The following KIAA0319 variants were observed in gnomAD, a reference collection of about 807,000 sequenced individuals.
KIAA0319 encodes the protein KIAA0319.
In KIAA0319, 83 loss-of-function variants were observed where a neutral mutation model predicts 108.4. That is an observed-to-expected ratio of 0.77 (90% CI 0.64 to 0.92). The LOEUF is 0.92. Ranked by LOEUF, KIAA0319 falls within the 40% of genes least tolerant of loss-of-function variation. The pLI is 0.00. For synonymous variants in KIAA0319, 484 were observed against 510.4 expected (o/e 0.95, Z 0.70); for missense variants, 1,195 against 1,322.4 (o/e 0.90, Z 1.49).
At chr6:24,549,326 C>CAAAAAAAA (rs35975247) in intron 20 of KIAA0319, among the ~76,000 whole-genome samples, 1 of 115,614 alleles carries the variant, frequency 8.6e-6, no homozygotes, top group African/African-American at 3.2e-5. Flanking sequence ...ACTCTGTCTC[C>CAAAAAAAA]AAAAAAAAAA....
In KIAA0319 at chr6:24,596,448, G is replaced by A. The variant is rs139103468; in HGVS notation, c.226C>T (p.Arg76Cys). ...TGGGGGCAGCTCACCAGGTAGCAGC[G>A]GCCCTCGAACCACCAGGCCAGGTCA... ...SCDLAWWFEG[R>C]CYLVSCPHKE... Residue 76 changes from arginine to cysteine, a missense_variant, in exon 3 of 21, where the codon CGC (arginine) becomes TGC (cysteine). Coordinates refer to ENST00000378214, the MANE Select transcript of KIAA0319 (RefSeq NM_014809.4). 1.1e-4 allele frequency: 171 copies of A among 1,614,040 alleles called. No individual in the cohort carries two copies. Among genetic ancestry groups the A allele is most frequent in the Middle Eastern group, 6.6e-4 (4 of 6,084 alleles).
chr6:24,582,215 T>C (rs1454042026), intron 6 of KIAA0319, 34 bp downstream of exon 6: 1 of 1,170,418 alleles, frequency 8.5e-7, no homozygotes, highest in Non-Finnish European at 1.3e-6. Context: ...CGTTACGCTG[T>C]GCTGTTAGAC....
chr6:24,598,422 G>T, intron 2 of KIAA0319: 1 of 589,712 alleles, frequency 1.7e-6, no homozygotes, highest in South Asian at 1.4e-5. Flanking sequence ...AGCAGCAGAA[G>T]ACAGTTTGGA....
At chr6:24,643,750 A>C (rs1777264357) in intron 1 of KIAA0319, among the ~76,000 whole-genome samples, 1 of 152,230 alleles carries the variant, frequency 6.6e-6, no homozygotes, top group African/African-American at 2.4e-5. Context: ...CACTTATTGA[A>C]GCGTTACTAT....
chr6:24,627,439 C>A (rs900270369), intron 1 of KIAA0319, among the ~76,000 whole-genome samples: 7 of 147,628 alleles, frequency 4.7e-5, no homozygotes, highest in Non-Finnish European at 8.9e-5. Context: ...TCTTAGTGAG[C>A]ATTTTCCCTC....
chr6:24,619,114 A>C (rs1001059209), intron 1 of KIAA0319, among the ~76,000 whole-genome samples: 6 of 152,212 alleles, frequency 3.9e-5, no homozygotes, highest in Admixed American at 6.5e-5. Flanking sequence ...GAAAAGGGAA[A>C]GCACTAGAAG....
At position 24,588,729 on chromosome 6, in the gene KIAA0319, G is replaced by A. The variant is rs769225729; in HGVS notation, c.858C>T (p.Thr286=). ...CTGTGAGCACTGGGCTTTTCTCCAC[G>A]GTGACTGAGCTGAGCTCCAGGCTTG... The part of the protein sequence containing the change: ...PPASLELSSV[T]VEKSPVLTVT... The change falls in exon 4 of 21, where the codon ACC becomes ACT. Residue 286 remains threonine, a synonymous_variant. Transcript: ENST00000378214. 5.6e-6 allele frequency: 9 copies of A among 1,613,836 alleles called. No individual in the cohort carries two copies. Among genetic ancestry groups the A allele is most frequent in the South Asian group, 3.3e-5 (3 of 91,050 alleles).
At position 24,572,625 on chromosome 6, in the gene KIAA0319, T is replaced by C; in HGVS notation, c.1808A>G (p.Asp603Gly). ...GDYTFQLKVT[D>G]SSRQQSTAVV... The stretch of plus-strand genomic sequence containing the variant: ...AGCAGTAGACTGTTGCCTTGAAGAA[T>C]CTGTCACCTTCAGCTGAAATGTATA... The change falls in exon 11 of 21, where the codon GAT (aspartate) becomes GGT (glycine). Residue 603 changes from aspartate to glycine, a missense_variant. Physicochemically the swap from Asp to Gly is moderately conservative, Grantham distance 94 (BLOSUM62 -1). Coordinates refer to ENST00000378214, the MANE Select transcript of KIAA0319 (RefSeq NM_014809.4). 6.2e-7 allele frequency: 1 copy of C among 1,614,126 alleles called. No individual in the cohort carries two copies. The highest frequency in any genetic ancestry group is 8.5e-7 in the Non-Finnish European group (1 of 1,180,008).
chr6:24,578,234 C>A lies in KIAA0319; in HGVS notation c.1381G>T (p.Asp461Tyr). The change falls in exon 9 of 21, where the codon GAT (aspartate) becomes TAT (tyrosine). Residue 461 changes from aspartate to tyrosine, a missense_variant. Physicochemically the swap from Asp to Tyr is radical, Grantham distance 160. Coordinates refer to ENST00000378214, the MANE Select transcript of KIAA0319 (RefSeq NM_014809.4). Reference sequence around the variant, plus strand: ...TGATAACTCACTATTTCAGTATCATCTGTACTTTCTACAAGATTAAGAAAT... The same window carrying A: ...TGATAACTCACTATTTCAGTATCATATGTACTTTCTACAAGATTAAGAAAT... ...SALIDGSQST[D>Y]DTEIVSYHWE... The A allele has an allele frequency of 6.3e-7, 1 of 1,594,630 alleles. No individual in the cohort carries two copies. The highest frequency in any genetic ancestry group is 8.6e-7 in the Non-Finnish European group (1 of 1,165,150).
intron 4 of KIAA0319, among the ~76,000 whole-genome samples, chr6:24,588,004 C>T (rs560566751): frequency 6.4e-4 from 98 of 152,366 alleles, no homozygotes; most frequent in African/African-American, 2.3e-3. Flanking sequence ...CATGATCTTT[C>T]CAGTTCTTGT....
chr6:24,558,384 GA>G (rs1762614663), intron 17 of KIAA0319, among the ~76,000 whole-genome samples: 1 of 152,020 alleles, frequency 6.6e-6, no homozygotes, highest in African/African-American at 2.4e-5. Flanking sequence ...TAGATAGATA[GA>G]TAGATAGATA....
intron 7 of KIAA0319, among the ~76,000 whole-genome samples, chr6:24,580,651 G>A (rs1388572238): frequency 2.0e-5 from 3 of 152,180 alleles, no homozygotes; most frequent in South Asian, 4.1e-4. Context: ...AAGTTAGAGT[G>A]GATGGTGTAA....
In KIAA0319 at chr6:24,564,224, A is replaced by G. The variant is rs776436431; in HGVS notation, c.2409T>C (p.Thr803=). The part of the protein sequence containing the change: ...TDSQGASDTD[T]ATVEVQPDPR... ...CACCTGGCTGCACTTCCACAGTGGC[A>G]GTGTCTGTGTCCGAGGCCCCCTGAC... Residue 803 remains threonine, a synonymous_variant, in exon 15 of 21, where the codon ACT becomes ACC. Transcript: ENST00000378214. The G allele has an allele frequency of 6.2e-7, 1 of 1,614,142 alleles. No homozygotes were observed. The highest frequency in any genetic ancestry group is 8.5e-7 in the Non-Finnish European group (1 of 1,180,022).
chr6:24,598,264 C>G, intron 2 of KIAA0319: 1 of 624,484 alleles, frequency 1.6e-6, no homozygotes, highest in Non-Finnish European at 2.9e-6. Flanking sequence ...CCCCCTTAAG[C>G]TGGAGGTGGA....
chr6:24,572,572 T>C lies in KIAA0319; in HGVS notation c.1858+3A>G, dbSNP rs757658258. ...AGGCCAAATCTCTTTCTCCTCCACCTACCAGGCTGGACAATCACAGTCACC... is the reference window on the plus strand; with the variant it reads ...AGGCCAAATCTCTTTCTCCTCCACCCACCAGGCTGGACAATCACAGTCACC... On this transcript the variant is annotated splice_donor_region_variant and intron_variant, in intron 11 of 20. Coordinates refer to ENST00000378214, the MANE Select transcript of KIAA0319 (RefSeq NM_014809.4). 2.5e-6 allele frequency: 4 copies of C among 1,610,668 alleles called. No individual in the cohort carries two copies. Among genetic ancestry groups the C allele is most frequent in the Non-Finnish European group, 3.4e-6 (4 of 1,179,146 alleles).
At chr6:24,614,441 G>C (rs545331999) in intron 1 of KIAA0319, among the ~76,000 whole-genome samples, 1 of 152,278 alleles carries the variant, frequency 6.6e-6, no homozygotes, top group Admixed American at 6.5e-5. Flanking sequence ...CCCAAGGCTA[G>C]ATTATCACCA....
At chr6:24,553,292 TATACACACACACACACACACACACAC>T (rs1373772001) in intron 19 of KIAA0319, among the ~76,000 whole-genome samples, 2 of 95,016 alleles carry the variant, frequency 2.1e-5, no homozygotes, top group African/African-American at 4.8e-5. Flanking sequence ...TATATATATA[TATACACACACACACACACACACACAC>T]ACACACACAC....
In KIAA0319 at chr6:24,599,463, C is replaced by G. The variant is rs555314967; in HGVS notation, c.55+1586G>C. ...GGCCATGCAGGACATGGCATGGCAGCTGCATGAGTACCAGGAGCTGATGAT... is the reference window on the plus strand; with the variant it reads ...GGCCATGCAGGACATGGCATGGCAGGTGCATGAGTACCAGGAGCTGATGAT... On this transcript the variant is annotated intron_variant, in intron 2 of 20. Coordinates refer to ENST00000378214, the MANE Select transcript of KIAA0319 (RefSeq NM_014809.4). This position sits in a 1 kb window ranked among gnomAD's most constrained non-coding sequence, Gnocchi z 4.1. 1 of 554,414 alleles carries G rather than the reference C, an allele frequency of 1.8e-6. No homozygotes were observed. The highest frequency in any genetic ancestry group is 2.0e-5 in the Admixed American group (1 of 49,016). 34.3% of individuals were successfully genotyped at this position (554,414 alleles called of 1,614,324 possible).
chr6:24,634,689 T>A (rs1775980819), intron 1 of KIAA0319, among the ~76,000 whole-genome samples: 1 of 152,220 alleles, frequency 6.6e-6, no homozygotes, highest in African/African-American at 2.4e-5. Flanking sequence ...ATAGGGAGAT[T>A]GTCCAAATAG....
Sources: gnomAD v4.1 joint callset for allele counts (sites outside exome capture counted in the v4.1 genomes callset) on GRCh38, gnomAD v4.1.1 for gene constraint, Gnocchi (gnomAD v3.1) non-coding constraint, MANE v1.5 for transcripts, NCBI Gene and HGNC (gene_info 2026-07-23, HGNC 2026-07-21) for gene names.